The following RMDN2 variants were observed in gnomAD, a reference collection of about 807,000 sequenced individuals.
RMDN2 encodes regulator of microtubule dynamics 2.
Under a neutral mutation model 52.8 loss-of-function variants are expected in RMDN2, and 61 were observed. The ratio of observed to expected loss-of-function variants is 1.16; its 90% CI spans 0.94 to 1.43. The LOEUF is 1.43. Among genes scored for constraint, RMDN2 ranks in the 40% most tolerant of loss-of-function variants. The probability of loss-of-function intolerance (pLI) is 0.00; values close to 1 mark genes in which losing one functional copy is unlikely to be tolerated. For missense variants in RMDN2, 592 were observed against 475.3 expected, an observed-to-expected ratio of 1.25 and a Z score of -2.28; for synonymous variants, 180 against 153.1, an observed-to-expected ratio of 1.18 and a Z score of -1.30.
chr2:37,965,050 T>G (rs972886875), intron 2 of RMDN2, among the ~76,000 whole-genome samples: 2 of 152,108 alleles, frequency 1.3e-5, no homozygotes, highest in African/African-American at 4.8e-5. Context: ...CCACTCCCAC[T>G]CTCTTTTGTT....
intron 2 of RMDN2, among the ~76,000 whole-genome samples, chr2:37,941,781 C>T (rs561009102): frequency 6.6e-6 from 1 of 152,274 alleles, no homozygotes; most frequent in South Asian, 2.1e-4. Context: ...CTTCAGACTG[C>T]TGTGCTGTCA....
At chr2:37,971,249 G>A (rs892115368) in intron 2 of RMDN2, among the ~76,000 whole-genome samples, 11 of 152,002 alleles carry the variant, frequency 7.2e-5, no homozygotes, top group African/African-American at 2.4e-4. Context: ...TACATTTTGA[G>A]TTAATTTTTA....
intron 4 of RMDN2, among the ~76,000 whole-genome samples, chr2:37,977,696 G>T (rs1287310919): frequency 7.2e-5 from 11 of 152,162 alleles, no homozygotes; most frequent in Admixed American, 5.9e-4. Context: ...TCGCGGCCGG[G>T]TAGAGGCGCT....
intron 10 of RMDN2, among the ~76,000 whole-genome samples, chr2:38,042,710 A>G (rs1681042623): frequency 6.6e-6 from 1 of 152,098 alleles, no homozygotes. Context: ...TTTCATTTTC[A>G]TTTAATCCAA....
rs562742341 is a variant in RMDN2 at position 37,986,534 on chromosome 2, A to G, written c.792-3007A>G. 1.2e-4 allele frequency among the ~76,000 whole-genome samples: 19 copies of G among 152,270 alleles called. 1 individual carries two copies. Among genetic ancestry groups the G allele is most frequent in the Admixed American group, 9.8e-4 (15 of 15,294 alleles). On this transcript the variant is annotated intron_variant, in intron 5 of 10. Transcript: ENST00000354545. ...ATGAATATAGAAGCAAAAATCTTCA[A>G]TAAAATATTAGCAGATTGAATCTGA...
Position 38,054,871 on chromosome 2 carries a change from T to C in RMDN2, c.1714-12111T>C, listed in dbSNP as rs566952699. Among the ~76,000 whole-genome samples the C allele has an allele frequency of 3.4e-4, 52 of 152,206 alleles. 1 individual carries two copies. The South Asian group carries it at 1.0e-2, about 29-fold the overall frequency. ...ATATAGAATACAGCACAGGACATGCTCCATAGTAAGGGCTCTGCTCTCTCA... is the reference window on the plus strand; with the variant it reads ...ATATAGAATACAGCACAGGACATGCCCCATAGTAAGGGCTCTGCTCTCTCA... On this transcript the variant is annotated intron_variant, in intron 10 of 10. Transcript: ENST00000234195.
At chr2:37,986,928 A>T (rs1221545058) in intron 5 of RMDN2, among the ~76,000 whole-genome samples, 1 of 152,128 alleles carries the variant, frequency 6.6e-6, no homozygotes, top group East Asian at 1.9e-4. Context: ...CAAGGTAAGG[A>T]TGTTCCCTCT....
chr2:37,958,498 A>G (rs535051033), intron 2 of RMDN2, among the ~76,000 whole-genome samples: 1 of 150,958 alleles, frequency 6.6e-6, no homozygotes, highest in South Asian at 2.1e-4. Context: ...TTATCCTGAG[A>G]TTTTGCTGAA....
At chr2:37,953,702 A>G (rs147319677) in intron 2 of RMDN2, among the ~76,000 whole-genome samples, 4 of 152,130 alleles carry the variant, frequency 2.6e-5, no homozygotes, top group Admixed American at 6.5e-5. Context: ...TCTTTTGAGT[A>G]TATATCCAGA....
chr2:38,051,587 T>C (rs567888614), intron 10 of RMDN2, among the ~76,000 whole-genome samples: 1 of 152,362 alleles, frequency 6.6e-6, no homozygotes, highest in African/African-American at 2.4e-5. Flanking sequence ...TGTTATTAAC[T>C]ATACTCACCC....
intron 1 of RMDN2, chr2:37,928,744 A>G (rs998609805): frequency 6.6e-6 from 1 of 152,342 alleles, no homozygotes; most frequent in Non-Finnish European, 1.5e-5. Flanking sequence ...ATTGCTATGC[A>G]GTTTTCTATA....
chr2:37,929,906 A>C (rs1340764688), intron 2 of RMDN2, among the ~76,000 whole-genome samples, 177 bp downstream of exon 2: 1 of 152,264 alleles, frequency 6.6e-6, no homozygotes, highest in African/African-American at 2.4e-5. Flanking sequence ...TATTTAAGCT[A>C]GTTTAGACCA....
At chr2:38,060,104 TTTTATTTTATTTTA>T (rs869066958) in intron 10 of RMDN2, among the ~76,000 whole-genome samples, 7 of 140,570 alleles carry the variant, frequency 5.0e-5, no homozygotes, top group African/African-American at 9.4e-5. Context: ...TTTTATTTTA[TTTTATTTTATTTTA>T]TTTTTTTTAG....
At chr2:38,032,315 A>T (rs115181641) in intron 10 of RMDN2, among the ~76,000 whole-genome samples, 4,109 of 152,118 alleles carry the variant, frequency 0.027, 185 homozygotes, top group African/African-American at 0.093. Context: ...CTATAGATTA[A>T]TTTTTTTACA....
At chr2:37,938,552 A>G (rs574648750) in intron 2 of RMDN2, among the ~76,000 whole-genome samples, 3 of 152,326 alleles carry the variant, frequency 2.0e-5, no homozygotes, top group South Asian at 4.1e-4. Context: ...TAGGCTATTA[A>G]GTACTGCCTC....
At chr2:37,971,011 A>G (rs1052998221) in intron 2 of RMDN2, among the ~76,000 whole-genome samples, 17 of 151,684 alleles carry the variant, frequency 1.1e-4, no homozygotes, top group African/African-American at 3.9e-4. Context: ...GGGTTTTTTC[A>G]CTTTTTTAAT....
intron 10 of RMDN2, among the ~76,000 whole-genome samples, chr2:38,009,614 AT>A (rs1217220829): frequency 1.3e-5 from 2 of 151,750 alleles, no homozygotes; most frequent in African/African-American, 2.4e-5. Context: ...CATTCATCTA[AT>A]TTTTTTTCAA....
chr2:37,941,586 C>A (rs1179653104), intron 2 of RMDN2, among the ~76,000 whole-genome samples: 1 of 152,210 alleles, frequency 6.6e-6, no homozygotes, highest in African/African-American at 2.4e-5. Flanking sequence ...TTCAGGGATG[C>A]CCTGCCCAGA....
At chr2:37,950,752 A>T (rs1326306995) in intron 2 of RMDN2, among the ~76,000 whole-genome samples, 2 of 152,162 alleles carry the variant, frequency 1.3e-5, no homozygotes, top group African/African-American at 4.8e-5. Flanking sequence ...ATTGTGCTTC[A>T]TCCATGGTTA....
Sources: gnomAD v4.1 joint callset for allele counts (sites outside exome capture counted in the v4.1 genomes callset) on GRCh38, gnomAD v4.1.1 for gene constraint, MANE v1.5 for transcripts, NCBI Gene and HGNC (gene_info 2026-07-23, HGNC 2026-07-21) for gene names.